Variants in HMCN1 observed in about 807,000 individuals in gnomAD.
The protein encoded by HMCN1 is hemicentin 1.
Under a neutral mutation model 625.9 loss-of-function variants are expected in HMCN1, and 321 were observed. That is an observed-to-expected ratio of 0.51 (90% CI 0.47 to 0.56). The LOEUF is 0.56. Ranked by LOEUF, HMCN1 falls within the 20% of genes least tolerant of loss-of-function variation. The probability of loss-of-function intolerance (pLI) is 0.00; values close to 1 mark genes in which losing one functional copy is unlikely to be tolerated. For synonymous variants in HMCN1, 2,425 were observed against 2,417.6 expected (o/e 1.00, Z -0.09); for missense variants, 6,588 against 6,887.3 (o/e 0.96, Z 1.54).
intron 55 of HMCN1, among the ~76,000 whole-genome samples, chr1:186,080,156 T>A (rs151247303): frequency 6.6e-6 from 1 of 152,342 alleles, no homozygotes; most frequent in East Asian, 1.9e-4. Context: ...ATAAAATCAA[T>A]CACGTAGCTT....
intron 97 of HMCN1, among the ~76,000 whole-genome samples, chr1:186,161,560 A>G (rs533390672): frequency 0.082 from 12,392 of 150,256 alleles, 1,464 homozygotes; most frequent in African/African-American, 0.26. Context: ...AGCTGGTACC[A>G]GTTGTTCCTT....
chr1:186,085,947 A>G (rs1248948739), intron 57 of HMCN1, among the ~76,000 whole-genome samples: 2 of 152,178 alleles, frequency 1.3e-5, no homozygotes, highest in African/African-American at 4.8e-5. Context: ...AATAAAAAGC[A>G]CATTAGGTCT....
At chr1:186,060,508 C>A (rs774018852) in intron 46 of HMCN1, among the ~76,000 whole-genome samples, 1 of 152,004 alleles carries the variant, frequency 6.6e-6, no homozygotes, top group Non-Finnish European at 1.5e-5. Context: ...AAATAGAGTT[C>A]TCCTCCAAAT....
At chr1:185,855,950 G>A (rs1385504793) in intron 2 of HMCN1, among the ~76,000 whole-genome samples, 5 of 152,098 alleles carry the variant, frequency 3.3e-5, no homozygotes, top group African/African-American at 1.2e-4. Context: ...GAGATTTGAG[G>A]TTTGGGCTCT....
chr1:185,912,884 C>G (rs1401946445), intron 6 of HMCN1, among the ~76,000 whole-genome samples: 1 of 152,070 alleles, frequency 6.6e-6, no homozygotes, highest in East Asian at 1.9e-4. Flanking sequence ...ACATTGTTTA[C>G]TCTTTCATTG....
chr1:185,853,863 TA>T (rs891830193), intron 2 of HMCN1, among the ~76,000 whole-genome samples: 1 of 152,200 alleles, frequency 6.6e-6, no homozygotes, highest in Non-Finnish European at 1.5e-5. Flanking sequence ...AGTGTGCATC[TA>T]TGGGAATATC....
At chr1:185,937,741 C>T (rs1218247914) in intron 11 of HMCN1, among the ~76,000 whole-genome samples, 1 of 151,858 alleles carries the variant, frequency 6.6e-6, no homozygotes, top group East Asian at 1.9e-4. Flanking sequence ...ATTAGCCAGG[C>T]TTGGTGGCAC....
intron 4 of HMCN1, among the ~76,000 whole-genome samples, chr1:185,872,883 A>G (rs903695029): frequency 6.6e-6 from 1 of 152,166 alleles, no homozygotes; most frequent in African/African-American, 2.4e-5. Flanking sequence ...GTATTATCCC[A>G]TAAGACAATC....
chr1:185,833,477 A>T (rs113249729), intron 1 of HMCN1, among the ~76,000 whole-genome samples: 5 of 152,238 alleles, frequency 3.3e-5, no homozygotes, highest in Non-Finnish European at 7.4e-5. Context: ...AAAAAGTGTC[A>T]GAAGTAGTGT....
At chr1:186,127,355 G>T (rs747929810) in intron 82 of HMCN1, among the ~76,000 whole-genome samples, 4 of 152,112 alleles carry the variant, frequency 2.6e-5, no homozygotes, top group Admixed American at 6.6e-5. Flanking sequence ...TAAAGCTATA[G>T]CACTGTATGA....
chr1:185,900,576 G>A (rs1417976523), intron 4 of HMCN1, among the ~76,000 whole-genome samples: 1 of 151,784 alleles, frequency 6.6e-6, no homozygotes, highest in Non-Finnish European at 1.5e-5. Context: ...AACATATATT[G>A]CCACTAGTAT....
At chr1:186,110,143 G>A (rs1242258637) in intron 71 of HMCN1, among the ~76,000 whole-genome samples, 1 of 151,910 alleles carries the variant, frequency 6.6e-6, no homozygotes, top group Non-Finnish European at 1.5e-5. Context: ...ATATTGGCCC[G>A]TATTTCATCA....
At chr1:185,751,413 T>C (rs1250564523) in intron 1 of HMCN1, among the ~76,000 whole-genome samples, 1 of 152,160 alleles carries the variant, frequency 6.6e-6, no homozygotes, top group Non-Finnish European at 1.5e-5. Flanking sequence ...AAGCTGTGTT[T>C]TCTCTGTGGT....
chr1:185,803,188 C>CA (rs1245942461), intron 1 of HMCN1, among the ~76,000 whole-genome samples: 3,420 of 33,330 alleles, frequency 0.1, 143 homozygotes, highest in East Asian at 0.42. Flanking sequence ...TTAGCAGAAC[C>CA]AAAAAAAAAA....
At chr1:186,104,472 T>G (rs1252245425) in intron 69 of HMCN1, among the ~76,000 whole-genome samples, 1 of 152,178 alleles carries the variant, frequency 6.6e-6, no homozygotes, top group Admixed American at 6.5e-5. Context: ...GATCATATTT[T>G]GTTGCATTTT....
chr1:185,886,582 A>G (rs959447722), intron 4 of HMCN1, among the ~76,000 whole-genome samples: 3 of 152,034 alleles, frequency 2.0e-5, no homozygotes, highest in Admixed American at 2.0e-4. Context: ...GCAAAAGAAA[A>G]AGCATGTAGT....
chr1:185,995,693 G>A (rs1652737232), intron 24 of HMCN1, among the ~76,000 whole-genome samples: 1 of 152,034 alleles, frequency 6.6e-6, no homozygotes, highest in Non-Finnish European at 1.5e-5. Flanking sequence ...TGCTTTGTGG[G>A]AAATTAAAAT....
intron 15 of HMCN1, among the ~76,000 whole-genome samples, chr1:185,971,582 GT>G (rs755069962): frequency 1.1e-4 from 16 of 151,848 alleles, no homozygotes; most frequent in East Asian, 3.9e-4. Flanking sequence ...ATGCCAGACT[GT>G]TTTTTTTAAA....
At chr1:185,951,636 G>C (rs1056072152) in intron 11 of HMCN1, among the ~76,000 whole-genome samples, 13 of 151,888 alleles carry the variant, frequency 8.6e-5, no homozygotes, top group Admixed American at 4.6e-4. Context: ...GGCTCTGGGA[G>C]TGGCTGCCAG....
Sources: gnomAD v4.1 joint callset for allele counts (sites outside exome capture counted in the v4.1 genomes callset) on GRCh38, gnomAD v4.1.1 for gene constraint, MANE v1.5 for transcripts, NCBI Gene and HGNC (gene_info 2026-07-23, HGNC 2026-07-21) for gene names.